The following HHIP variants were observed in gnomAD, a reference collection of about 807,000 sequenced individuals.
HHIP encodes the protein hedgehog interacting protein.
Under a neutral mutation model 74.0 loss-of-function variants are expected in HHIP, and 12 were observed. The ratio of observed to expected loss-of-function variants is 0.16; its 90% CI spans 0.10 to 0.26. The LOEUF (loss-of-function observed/expected upper bound fraction) is 0.26. HHIP is among the 10% of genes least tolerant of loss of function. The pLI, the probability that HHIP is intolerant of heterozygous loss-of-function variation, is 1.00. For synonymous variants in HHIP, 309 were observed against 311.6 expected (o/e 0.99, Z 0.09); for missense variants, 788 against 845.0 (o/e 0.93, Z 0.84).
At chr4:144,719,008 T>C (rs753588771) in intron 11 of HHIP, 52 bp downstream of exon 11, 7 of 1,076,548 alleles carry the variant, frequency 6.5e-6, no homozygotes, top group African/African-American at 1.6e-5. Flanking sequence ...CTTCCAATTA[T>C]TTTAGTTCAT....
rs972285800 is a variant in HHIP, at chr4:144,741,731, G to A, written c.*3774G>A. The A allele has an allele frequency of 7.9e-5, 12 of 152,148 alleles. No individual in the cohort carries two copies. Among genetic ancestry groups the A allele is most frequent in the African/African-American group, 2.6e-4 (11 of 41,522 alleles). 9.4% of individuals were successfully genotyped at this position (152,148 alleles called of 1,614,324 possible). ...TATCTCTGAGTTACAAACTATACAA[G>A]CTTACCAGGTATAAGGTTAGATGCT... On this transcript the variant is annotated 3_prime_UTR_variant, in exon 13 of 13. Transcript: ENST00000296575.
In HHIP at chr4:144,738,572, T is replaced by G. The variant is rs1460320783; in HGVS notation, c.*615T>G. On this transcript the variant is annotated 3_prime_UTR_variant, in exon 13 of 13. Transcript: ENST00000296575. ...TTATTTCATCTTAATCTCAAGATTGTTTTCAAGTGTTTTATAATTAAATCA... is the reference window on the plus strand; with the variant it reads ...TTATTTCATCTTAATCTCAAGATTGGTTTCAAGTGTTTTATAATTAAATCA... 1 of 799,962 alleles carries G rather than the reference T, an allele frequency of 1.3e-6. No individual in the cohort carries two copies. Among genetic ancestry groups the G allele is most frequent in the African/African-American group, 1.9e-5 (1 of 53,340 alleles). 49.6% of individuals were successfully genotyped at this position (799,962 alleles called of 1,614,324 possible).
chr4:144,658,513 C>A (rs557273525), intron 2 of HHIP, among the ~76,000 whole-genome samples: 8 of 151,942 alleles, frequency 5.3e-5, no homozygotes, highest in African/African-American at 1.7e-4. Context: ...GGATTATAGG[C>A]GCATGCCACC....
At chr4:144,698,486 C>T (rs981702511) in intron 4 of HHIP, among the ~76,000 whole-genome samples, 5 of 152,122 alleles carry the variant, frequency 3.3e-5, no homozygotes, top group Non-Finnish European at 5.9e-5. Context: ...TACCACATAG[C>T]CTAGATGTGT....
At position 144,680,350 on chromosome 4, in the gene HHIP, C is replaced by T. The variant is rs569723664; in HGVS notation, c.831+20512C>T. Among the ~76,000 whole-genome samples, 18 of 152,298 alleles carry T rather than the reference C, an allele frequency of 1.2e-4. 1 individual carries two copies. In the East Asian group the frequency reaches 3.1e-3, roughly 26 times the overall value. ...TTTCTGCTTTATTTCACCACCTTGA[C>T]CCCTTGTCATGCTGTTCATTCTGCC... On this transcript the variant is annotated intron_variant, in intron 4 of 12. Transcript: ENST00000296575.
intron 2 of HHIP, 122 bp from the exon 3 acceptor site, chr4:144,658,668 G>T: frequency 1.4e-6 from 1 of 733,942 alleles, no homozygotes; most frequent in Non-Finnish European, 2.2e-6. Context: ...TTTCAGTCTA[G>T]GTTCTTCCTA....
intron 2 of HHIP, among the ~76,000 whole-genome samples, chr4:144,658,080 GT>G (rs1728599921): frequency 1.3e-5 from 2 of 152,030 alleles, no homozygotes; most frequent in Non-Finnish European, 2.9e-5. Context: ...CTTGATTCTT[GT>G]TTGTTCATCT....
intron 7 of HHIP, among the ~76,000 whole-genome samples, chr4:144,711,667 C>T (rs1730309433): frequency 6.6e-6 from 1 of 152,092 alleles, no homozygotes; most frequent in African/African-American, 2.4e-5. Context: ...TGTGATATTC[C>T]TTAAGAACAG....
intron 10 of HHIP, among the ~76,000 whole-genome samples, chr4:144,716,585 C>T (rs191741343): frequency 4.6e-5 from 7 of 152,192 alleles, no homozygotes; most frequent in South Asian, 2.1e-4. Flanking sequence ...TGGTGGCTCA[C>T]GCCTGTAATC....
intron 1 of HHIP, 91 bp downstream of exon 1, chr4:144,647,045 G>A: frequency 1.7e-6 from 2 of 1,143,356 alleles, no homozygotes; most frequent in Non-Finnish European, 2.5e-6. Flanking sequence ...GTTGTAAGAA[G>A]GTCAAAACTT....
intron 2 of HHIP, among the ~76,000 whole-genome samples, chr4:144,657,368 T>C (rs1390989637): frequency 1.3e-5 from 2 of 152,206 alleles, no homozygotes; most frequent in African/African-American, 4.8e-5. Context: ...TCTAAATTTC[T>C]ACTGAGCTAC....
rs544339782 is a variant in HHIP, at chr4:144,669,465, C to T, written c.831+9627C>T. 2.0e-5 allele frequency among the ~76,000 whole-genome samples: 3 copies of T among 152,260 alleles called. No individual in the cohort carries two copies. The South Asian group carries it at 6.2e-4, about 32-fold the overall frequency. On this transcript the variant is annotated intron_variant, in intron 4 of 12. Coordinates refer to ENST00000296575, the MANE Select transcript of HHIP (RefSeq NM_022475.3). ...GAATTTCCATTTTACTCAATCTGTA[C>T]ATGTCATATACACCTTAAAGTTCAT... is the stretch of plus-strand genomic sequence containing the variant.
Position 144,646,284 on chromosome 4 carries a change from A to T in HHIP, c.-392A>T. ...CCGTTTCTGTTCCTGCTACTGTCCC[A>T]CCTAAACAACTCCCGTTACACGGAC... is the stretch of plus-strand genomic sequence containing the variant. On this transcript the variant is annotated 5_prime_UTR_variant, in exon 1 of 13. Transcript: ENST00000296575. The T allele has an allele frequency of 5.4e-6, 1 of 183,898 alleles. No homozygotes were observed. Among genetic ancestry groups the T allele is most frequent in the Non-Finnish European group, 1.1e-5 (1 of 88,680 alleles). 11.4% of individuals were successfully genotyped at this position (183,898 alleles called of 1,614,324 possible). A position where few individuals can be genotyped will look rare whatever the true frequency, so the allele number is the denominator to read the frequency against.
chr4:144,671,967 C>G (rs1385113212), intron 4 of HHIP, among the ~76,000 whole-genome samples: 2 of 152,076 alleles, frequency 1.3e-5, no homozygotes, highest in African/African-American at 2.4e-5. Flanking sequence ...CCAGGCAACA[C>G]TTCAAGACTC....
chr4:144,707,123 A>C lies in HHIP; in HGVS notation c.1020A>C (p.Arg340Ser). ...NPHQVDLRTA[R>S]VFLEVAELHR... is the part of the protein sequence containing the mutation. ...ACCAAGTTGATTTGAGAACAGCCAG[A>C]GTCTTTCTTGAAGTTGCAGAACTCC... is the stretch of plus-strand genomic sequence containing the variant. The change falls in exon 6 of 13, where the codon AGA becomes AGC. Residue 340 changes from arginine to serine, a missense_variant. Coordinates refer to ENST00000296575, the MANE Select transcript of HHIP (RefSeq NM_022475.3). The C allele has an allele frequency of 6.2e-7, 1 of 1,614,182 alleles. No homozygotes were observed. The highest frequency in any genetic ancestry group is 1.3e-5 in the African/African-American group (1 of 75,068).
intron 4 of HHIP, among the ~76,000 whole-genome samples, chr4:144,693,465 A>T (rs1171841033): frequency 1.3e-5 from 2 of 152,096 alleles, no homozygotes; most frequent in Non-Finnish European, 2.9e-5. Context: ...ATTCATTGAA[A>T]TCTATCCTAT....
chr4:144,718,353 C>T (rs1344910801), intron 10 of HHIP, among the ~76,000 whole-genome samples: 1 of 152,086 alleles, frequency 6.6e-6, no homozygotes, highest in African/African-American at 2.4e-5. Flanking sequence ...TGGGAACTTG[C>T]CTCTCCTGTG....
intron 10 of HHIP, among the ~76,000 whole-genome samples, chr4:144,716,155 A>C (rs1252419215): frequency 6.6e-6 from 1 of 152,228 alleles, no homozygotes; most frequent in Non-Finnish European, 1.5e-5. Context: ...AACAAACCTT[A>C]ACTATTATGC....
chr4:144,730,204 C>G (rs1443971920), intron 11 of HHIP, among the ~76,000 whole-genome samples: 1 of 151,372 alleles, frequency 6.6e-6, no homozygotes, highest in Non-Finnish European at 1.5e-5. Flanking sequence ...AATCTTTATA[C>G]TACTACACAA....
Sources: gnomAD v4.1 joint callset for allele counts (sites outside exome capture counted in the v4.1 genomes callset) on GRCh38, gnomAD v4.1.1 for gene constraint, MANE v1.5 for transcripts, NCBI Gene and HGNC (gene_info 2026-07-23, HGNC 2026-07-21) for gene names.